MDH2: variants seen among roughly 807,000 people sequenced by gnomAD.
MDH2 encodes malate dehydrogenase, mitochondrial.
A neutral mutation model predicts 33.6 loss-of-function variants in MDH2; 25 were observed. The ratio of observed to expected loss-of-function variants is 0.74; its 90% confidence interval spans 0.54 to 1.04. The LOEUF (loss-of-function observed/expected upper bound fraction) is 1.04. MDH2 is among the 50% of genes least tolerant of loss of function. The pLI is 0.00. For missense variants in MDH2, 432 were observed against 445.0 expected (o/e 0.97, Z 0.26); for synonymous variants, 193 against 188.7 (o/e 1.02, Z -0.19).
intron 8 of MDH2, among the ~76,000 whole-genome samples, chr7:76,066,018 G>A (rs552294243): frequency 6.6e-6 from 1 of 152,228 alleles, no homozygotes; most frequent in Admixed American, 6.5e-5. Flanking sequence ...AACACATTTG[G>A]AAGGTCAGTC....
intron 6 of MDH2, among the ~76,000 whole-genome samples, chr7:76,063,900 G>C (rs1664557780): frequency 6.6e-6 from 1 of 152,170 alleles, no homozygotes; most frequent in African/African-American, 2.4e-5. Context: ...GCTGGACACA[G>C]TGGCTCATAC....
chr7:76,058,536 T>C (rs538977892), intron 4 of MDH2, among the ~76,000 whole-genome samples: 57 of 152,338 alleles, frequency 3.7e-4, no homozygotes, highest in African/African-American at 1.3e-3. Flanking sequence ...ACCATGTGTT[T>C]TCCTAGGCAT....
At chr7:76,061,687 G>A (rs1554587038) in intron 5 of MDH2, among the ~76,000 whole-genome samples, 1 of 151,740 alleles carries the variant, frequency 6.6e-6, no homozygotes. Flanking sequence ...GAGCGCAGGT[G>A]TATGTCCAGA....
intron 1 of MDH2, chr7:76,048,981 C>CGG (rs71521108): frequency 7.6e-5 from 38 of 500,406 alleles, no homozygotes; most frequent in Middle Eastern, 1.1e-3. Context: ...CTTAAGACTG[C>CGG]GGGGGGGGGG....
At chr7:76,063,852 G>A (rs1190025547) in intron 6 of MDH2, among the ~76,000 whole-genome samples, 2 of 152,208 alleles carry the variant, frequency 1.3e-5, no homozygotes, top group Non-Finnish European at 2.9e-5. Context: ...TGGTTAGGCC[G>A]GAGCGGGCGA....
intron 8 of MDH2, chr7:76,065,207 A>G: frequency 2.4e-6 from 1 of 419,910 alleles, no homozygotes; most frequent in Middle Eastern, 7.0e-4. Context: ...CTGCAGGAGT[A>G]TTGACTGATA....
intron 7 of MDH2, 33 bp downstream of exon 7, chr7:76,064,471 C>T: frequency 6.4e-7 from 1 of 1,557,634 alleles, no homozygotes; most frequent in South Asian, 1.1e-5. Flanking sequence ...GGCTGGGTGC[C>T]AGTGAGGCCC....
intron 5 of MDH2, among the ~76,000 whole-genome samples, chr7:76,063,274 G>A (rs1408797290): frequency 6.6e-6 from 1 of 152,188 alleles, no homozygotes; most frequent in African/African-American, 2.4e-5. Flanking sequence ...AAGGACTTGC[G>A]ATGGCCTCGC....
At chr7:76,048,484 T>C in intron 1 of MDH2, 2 of 1,264,588 alleles carry the variant, frequency 1.6e-6, no homozygotes, top group Non-Finnish European at 1.0e-6. Context: ...GTCTCCCAGA[T>C]TTCCCAGAGG....
At chr7:76,061,860 C>T (rs1554587068) in intron 5 of MDH2, among the ~76,000 whole-genome samples, 3 of 152,188 alleles carry the variant, frequency 2.0e-5, no homozygotes, top group Admixed American at 2.0e-4. Flanking sequence ...TGCACCATAG[C>T]TGCCACTAGC....
chr7:76,058,682 C>T (rs1797858538), intron 4 of MDH2, among the ~76,000 whole-genome samples: 1 of 152,326 alleles, frequency 6.6e-6, no homozygotes, highest in East Asian at 1.9e-4. Flanking sequence ...TCCACCTTCT[C>T]GCTTAAGGGA....
chr7:76,052,313 G>C (rs1554585579), intron 1 of MDH2, among the ~76,000 whole-genome samples: 1 of 151,558 alleles, frequency 6.6e-6, no homozygotes, highest in Non-Finnish European at 1.5e-5. Flanking sequence ...GTGTGTACCT[G>C]TAGTCCCAGC....
chr7:76,064,567 G>A, intron 7 of MDH2, 129 bp downstream of exon 7: 1 of 977,522 alleles, frequency 1.0e-6, no homozygotes, highest in Non-Finnish European at 1.5e-6. Context: ...TTGCCTGGTG[G>A]AAAATCCCTG....
chr7:76,061,115 G>A (rs1797934685), intron 5 of MDH2, among the ~76,000 whole-genome samples: 1 of 152,150 alleles, frequency 6.6e-6, no homozygotes, highest in Non-Finnish European at 1.5e-5. Flanking sequence ...CGGGCCTGGA[G>A]TCCTTAGTGC....
chr7:76,064,219 C>T (rs2116699447), intron 6 of MDH2, 120 bp from the exon 7 acceptor site: 1 of 651,628 alleles, frequency 1.5e-6, no homozygotes. Flanking sequence ...TTATAGAAAA[C>T]CTTTCCCATG....
At position 76,066,578 on chromosome 7, in the gene MDH2, G is replaced by A. The variant is rs782728859; in HGVS notation, c.*168G>A. ...CTCTGTGGGCGCATCAATAAAAGCC[G>A]TCCTTGATTTTATTTTTCAAGGTCC... On this transcript the variant is annotated 3_prime_UTR_variant, in exon 9 of 9. Transcript: ENST00000315758. 3.8e-5 allele frequency: 30 copies of A among 785,250 alleles called. No homozygotes were observed. The highest frequency in any genetic ancestry group is 9.5e-5 in the East Asian group (3 of 31,510). The allele number at this position is 785,250 out of a possible 1,614,324, so 48.6% of individuals were successfully genotyped here. A position where few individuals can be genotyped will look rare whatever the true frequency, so the allele number is the denominator to read the frequency against.
At chr7:76,053,709 C>T (rs1436880386) in intron 1 of MDH2, among the ~76,000 whole-genome samples, 1 of 152,162 alleles carries the variant, frequency 6.6e-6, no homozygotes, top group East Asian at 1.9e-4. Flanking sequence ...GTTCCCGTGT[C>T]TGCCACTTTG....
chr7:76,057,258 G>T (rs1014250541), intron 2 of MDH2, 152 bp from the exon 3 acceptor site: 98 of 688,746 alleles, frequency 1.4e-4, no homozygotes, highest in Non-Finnish European at 2.1e-4. Flanking sequence ...TCAGCTCGCA[G>T]GGCAGTAGTC....
chr7:76,063,332 C>T (rs959409143), intron 5 of MDH2, among the ~76,000 whole-genome samples, 183 bp from the exon 6 acceptor site: 11 of 152,342 alleles, frequency 7.2e-5, no homozygotes, highest in African/African-American at 2.6e-4. Context: ...CATGCTCAGC[C>T]TTTTGGGGCA....
Sources: allele counts gnomAD v4.1 joint callset (sites outside exome capture counted in the v4.1 genomes callset), GRCh38; gene constraint gnomAD v4.1.1; transcripts MANE v1.5; gene names NCBI Gene and HGNC (gene_info 2026-07-23, HGNC 2026-07-21).